The following UGT2A3 variants were observed in gnomAD, a reference collection of about 807,000 sequenced individuals.
UGT2A3 encodes the protein UDP glucuronosyltransferase family 2 member A3.
In UGT2A3, 55 loss-of-function variants were observed where a neutral mutation model predicts 44.1. That is an observed-to-expected ratio of 1.25 (90% CI 1.00 to 1.56). The LOEUF (loss-of-function observed/expected upper bound fraction) is 1.56, where lower values mean the gene tolerates loss of function less well. Ranked by LOEUF, UGT2A3 falls within the 40% of genes most tolerant of loss-of-function variation. The probability of loss-of-function intolerance (pLI) is 0.00; values close to 1 mark genes in which losing one functional copy is unlikely to be tolerated. For synonymous variants in UGT2A3, 243 were observed against 215.1 expected, an observed-to-expected ratio of 1.13 and a Z score of -1.13; for missense variants, 733 against 621.6, an observed-to-expected ratio of 1.18 and a Z score of -1.91.
At position 68,930,702 on chromosome 4, in the gene UGT2A3, T is replaced by G. The variant is rs1489542301; in HGVS notation, c.1148A>C (p.Tyr383Ser). The change falls in exon 5 of 6, where the codon TAC becomes TCC. Residue 383 changes from tyrosine (Y) to serine (S), a missense_variant. Tyr to Ser is a moderately radical substitution (Grantham distance 144, BLOSUM62 -2). Coordinates refer to ENST00000251566, the MANE Select transcript of UGT2A3 (RefSeq NM_024743.4). ...AACTCCCACCATAGGGACCCCATGG[T>G]AAATAGCTTCATAGATCCCATTCAT... ...GGMNGIYEAI[Y>S]HGVPMVGVPI... is the part of the protein sequence containing the mutation. 6.2e-7 allele frequency: 1 copy of G among 1,613,118 alleles called. No homozygotes were observed. The highest frequency in any genetic ancestry group is 8.5e-7 in the Non-Finnish European group (1 of 1,179,458).
chr4:68,934,007 C>T (rs1205270873), intron 2 of UGT2A3, among the ~76,000 whole-genome samples: 1 of 151,738 alleles, frequency 6.6e-6, no homozygotes, highest in South Asian at 2.1e-4. Flanking sequence ...AGGTGGTTAT[C>T]TTTTTAAATA....
chr4:68,944,911 T>C (rs1217051358), intron 2 of UGT2A3, among the ~76,000 whole-genome samples: 1 of 151,746 alleles, frequency 6.6e-6, no homozygotes, highest in Non-Finnish European at 1.5e-5. Context: ...CTGTGGAATA[T>C]ATCCAATATG....
At chr4:68,935,998 A>C (rs1207691058) in intron 2 of UGT2A3, among the ~76,000 whole-genome samples, 1 of 152,132 alleles carries the variant, frequency 6.6e-6, no homozygotes, top group Non-Finnish European at 1.5e-5. Flanking sequence ...TAAAGCAAGA[A>C]GACAAGTTTA....
chr4:68,947,107 T>C (rs74990577), intron 1 of UGT2A3, among the ~76,000 whole-genome samples: 2,620 of 151,840 alleles, frequency 0.017, 89 homozygotes, highest in African/African-American at 0.06. Flanking sequence ...CATCTTTTCA[T>C]GAAAGATTTC....
intron 1 of UGT2A3, 96 bp from the exon 2 acceptor site, chr4:68,945,550 T>A: frequency 9.9e-7 from 1 of 1,012,964 alleles, no homozygotes; most frequent in Non-Finnish European, 1.4e-6. Flanking sequence ...AAAATAAGTT[T>A]AAGTCCTCTA....
At chr4:68,940,483 G>T (rs1233044477) in intron 2 of UGT2A3, among the ~76,000 whole-genome samples, 1 of 151,862 alleles carries the variant, frequency 6.6e-6, no homozygotes, top group African/African-American at 2.4e-5. Context: ...TCACTTTTAG[G>T]TAGGAAGTGA....
intron 2 of UGT2A3, among the ~76,000 whole-genome samples, chr4:68,939,629 A>T (rs1718109823): frequency 6.6e-6 from 1 of 152,190 alleles, no homozygotes; most frequent in African/African-American, 2.4e-5. Flanking sequence ...CTGAGGACTT[A>T]GGCCTGGGCA....
At chr4:68,932,791 G>A (rs1304586271) in intron 2 of UGT2A3, 32 bp from the exon 3 acceptor site, 1 of 1,570,392 alleles carries the variant, frequency 6.4e-7, no homozygotes, top group East Asian at 2.3e-5. Flanking sequence ...CATTACAGAG[G>A]CATAATATAA....
intron 2 of UGT2A3, among the ~76,000 whole-genome samples, chr4:68,936,051 T>C (rs1217500630): frequency 6.6e-6 from 1 of 151,956 alleles, no homozygotes; most frequent in Non-Finnish European, 1.5e-5. Flanking sequence ...CTCCAAGAAA[T>C]ATGGGACTAT....
intron 1 of UGT2A3, among the ~76,000 whole-genome samples, chr4:68,948,520 A>G (rs1718467148): frequency 7.3e-6 from 1 of 136,214 alleles, no homozygotes; most frequent in Admixed American, 8.4e-5. Context: ...AGCTCACTGC[A>G]GCCTTGGACT....
intron 3 of UGT2A3, among the ~76,000 whole-genome samples, chr4:68,931,711 C>T (rs1364983232): frequency 1.3e-5 from 2 of 151,892 alleles, no homozygotes; most frequent in Non-Finnish European, 2.9e-5. Context: ...CTATTTCCTT[C>T]CTGGCCTCTT....
chr4:68,947,283 A>G (rs949145502), intron 1 of UGT2A3, among the ~76,000 whole-genome samples: 1 of 151,796 alleles, frequency 6.6e-6, no homozygotes, highest in African/African-American at 2.4e-5. Flanking sequence ...TTTCACTCGG[A>G]GAAGATTCCA....
intron 2 of UGT2A3, among the ~76,000 whole-genome samples, chr4:68,940,100 G>A (rs1718130300): frequency 6.6e-6 from 1 of 152,092 alleles, no homozygotes; most frequent in Non-Finnish European, 1.5e-5. Context: ...ACTGTTGGTG[G>A]GAATGTAAAT....
chr4:68,932,953 G>A (rs1717790657), intron 2 of UGT2A3, among the ~76,000 whole-genome samples, 194 bp from the exon 3 acceptor site: 3 of 151,916 alleles, frequency 2.0e-5, no homozygotes, highest in South Asian at 2.1e-4. Flanking sequence ...GCTTAAATAT[G>A]TAATCATTCA....
At chr4:68,933,713 A>G (rs1011132422) in intron 2 of UGT2A3, among the ~76,000 whole-genome samples, 1 of 152,090 alleles carries the variant, frequency 6.6e-6, no homozygotes, top group Non-Finnish European at 1.5e-5. Context: ...CTATCAGGTT[A>G]GTAACTAAGT....
At position 68,929,581 on chromosome 4, in the gene UGT2A3, G is replaced by A. The variant is rs1407845602; in HGVS notation, c.*232C>T. 1.0e-5 allele frequency: 4 copies of A among 389,678 alleles called. No individual in the cohort carries two copies. Among genetic ancestry groups the A allele is most frequent in the Non-Finnish European group, 1.9e-5 (4 of 216,114 alleles). The allele number at this position is 389,678 out of a possible 1,614,324, so 24.1% of individuals were successfully genotyped here. On this transcript the variant is annotated 3_prime_UTR_variant, in exon 6 of 6. Coordinates refer to ENST00000251566, the MANE Select transcript of UGT2A3 (RefSeq NM_024743.4). ...GTCATATCAGAAATAGGAAAATTTA[G>A]ATGTATTCATGTCCTTGTGTCACAA...
rs545761019 is a variant in UGT2A3, at chr4:68,932,527, T to C, written c.996+101A>G. The C allele has an allele frequency of 2.7e-5, 38 of 1,410,384 alleles. No homozygotes were observed. In the Admixed American group the frequency reaches 6.2e-4, roughly 23 times the overall value. 87.4% of individuals were successfully genotyped at this position (1,410,384 alleles called of 1,614,324 possible). A position where few individuals can be genotyped will look rare whatever the true frequency, so the allele number is the denominator to read the frequency against. On this transcript the variant is annotated intron_variant, in intron 3 of 5. Transcript: ENST00000251566. Reference sequence around the variant, plus strand: ...TACTATAATGTTTTGCAAATTTTGGTACCTGTTATGCTAAGTGGAAAATGA... The same window carrying C: ...TACTATAATGTTTTGCAAATTTTGGCACCTGTTATGCTAAGTGGAAAATGA...
intron 5 of UGT2A3, 113 bp downstream of exon 5, chr4:68,930,433 A>G (rs1479692790): frequency 9.7e-6 from 10 of 1,028,930 alleles, no homozygotes; most frequent in Non-Finnish European, 1.4e-5. Flanking sequence ...GAATGACTCA[A>G]TATTGTGGAG....
chr4:68,947,905 C>A (rs983762866), intron 1 of UGT2A3, among the ~76,000 whole-genome samples: 7 of 151,740 alleles, frequency 4.6e-5, no homozygotes, highest in Non-Finnish European at 7.4e-5. Context: ...GTGATATCAT[C>A]CAGGCTTTGT....
Sources: allele counts gnomAD v4.1 joint callset (sites outside exome capture counted in the v4.1 genomes callset), GRCh38; gene constraint gnomAD v4.1.1; transcripts MANE v1.5; gene names NCBI Gene and HGNC (gene_info 2026-07-23, HGNC 2026-07-21).